The following ASIC2 variants were observed in gnomAD, a reference collection of about 807,000 sequenced individuals.
ASIC2 encodes the protein acid sensing ion channel subunit 2, also known as acid-sensing ion channel 2.
ASIC2 carries 25 observed loss-of-function variants against 57.3 expected under a neutral mutation model. The observed-to-expected ratio is 0.44, with a 90% CI of 0.32 to 0.61. ASIC2 has a LOEUF of 0.61. Among genes scored for constraint, ASIC2 ranks in the 20% least tolerant of loss-of-function variants. The pLI is 0.06. For synonymous variants in ASIC2, 319 were observed against 307.5 expected, an observed-to-expected ratio of 1.04 and a Z score of -0.39; for missense variants, 641 against 738.1, an observed-to-expected ratio of 0.87 and a Z score of 1.52.
Position 33,884,493 on chromosome 17 carries a change from C to T in ASIC2, c.555+271485G>A, listed in dbSNP as rs190242255. 9.5e-4 allele frequency among the ~76,000 whole-genome samples: 145 copies of T among 152,276 alleles called. 1 individual carries two copies. In the South Asian group the frequency reaches 0.018, roughly 19 times the overall value. Reference sequence around the variant, plus strand: ...TGCTGGATCCTGATGGATTCAGACTCTGAACTTTAGTGGCAGCTAAGATGT... The same window carrying T: ...TGCTGGATCCTGATGGATTCAGACTTTGAACTTTAGTGGCAGCTAAGATGT... On this transcript the variant is annotated intron_variant, in intron 1 of 9. Coordinates refer to the ASIC2 transcript ENST00000359872.
chr17:33,746,535 T>A (rs1432575354), intron 1 of ASIC2, among the ~76,000 whole-genome samples: 1 of 151,540 alleles, frequency 6.6e-6, no homozygotes, highest in African/African-American at 2.4e-5. Context: ...TATATATAGT[T>A]TTTATACTCA....
At chr17:33,391,085 A>C (rs1418097249) in intron 1 of ASIC2, among the ~76,000 whole-genome samples, 1 of 152,196 alleles carries the variant, frequency 6.6e-6, no homozygotes, top group Non-Finnish European at 1.5e-5. Context: ...TTCTCCTAAC[A>C]ATGTCCCAGA....
chr17:33,071,178 A>C (rs781350000), intron 3 of ASIC2, among the ~76,000 whole-genome samples: 9 of 152,128 alleles, frequency 5.9e-5, no homozygotes, highest in Non-Finnish European at 1.0e-4. Flanking sequence ...CCATCATTTT[A>C]TAAAATTTTT....
rs558570689 is a variant in ASIC2, at chr17:33,899,787, G to A, written c.555+256191C>T. Among the ~76,000 whole-genome samples, 3 of 152,238 alleles carry A rather than the reference G, an allele frequency of 2.0e-5. No individual in the cohort carries two copies. The East Asian group carries it at 5.8e-4, about 29-fold the overall frequency. ...GATGTCTTCATGTTTTGTAGATAAG[G>A]TTGTATCTTCCTTCTTCCTTACCAC... is the stretch of plus-strand genomic sequence containing the variant. On this transcript the variant is annotated intron_variant, in intron 1 of 9. Coordinates refer to the ASIC2 transcript ENST00000359872.
At chr17:33,952,106 G>T (rs1354719876) in intron 1 of ASIC2, among the ~76,000 whole-genome samples, 1 of 152,164 alleles carries the variant, frequency 6.6e-6, no homozygotes, top group African/African-American at 2.4e-5. Context: ...TCTTCAAATT[G>T]CTTTCAACTG....
At chr17:33,824,783 T>A (rs1275883018) in intron 1 of ASIC2, among the ~76,000 whole-genome samples, 6 of 151,982 alleles carry the variant, frequency 3.9e-5, no homozygotes, top group Non-Finnish European at 7.4e-5. Flanking sequence ...GCAAGCCCCA[T>A]GCAAGATGTC....
At chr17:33,579,303 A>AAAAT (rs386385945) in intron 1 of ASIC2, among the ~76,000 whole-genome samples, 2 of 148,704 alleles carry the variant, frequency 1.3e-5, no homozygotes, top group African/African-American at 4.9e-5. Context: ...AAAAAAAAAA[A>AAAAT]ATGCAGGTGG....
chr17:33,988,066 G>A (rs1405634904), intron 1 of ASIC2, among the ~76,000 whole-genome samples: 1 of 152,204 alleles, frequency 6.6e-6, no homozygotes, highest in Non-Finnish European at 1.5e-5. Context: ...AGGAGAGTAA[G>A]AGTGCATTAG....
chr17:33,184,385 G>A (rs183401359), intron 1 of ASIC2, among the ~76,000 whole-genome samples: 276 of 152,236 alleles, frequency 1.8e-3, no homozygotes, highest in Non-Finnish European at 2.2e-3. Flanking sequence ...TGAATGCCTG[G>A]AGTTCCCTGA....
chr17:34,097,264 T>C (rs1316717197), intron 1 of ASIC2, among the ~76,000 whole-genome samples: 1 of 152,186 alleles, frequency 6.6e-6, no homozygotes, highest in Non-Finnish European at 1.5e-5. Context: ...AGGGCATACG[T>C]TCTTAAAAAG....
chr17:33,633,194 A>G (rs1263753543), intron 1 of ASIC2, among the ~76,000 whole-genome samples: 3 of 152,104 alleles, frequency 2.0e-5, no homozygotes, highest in East Asian at 1.9e-4. Context: ...GAGTGCATCA[A>G]CCCAATGCCC....
chr17:33,095,255 G>GC (rs1004138138), intron 2 of ASIC2, among the ~76,000 whole-genome samples: 1 of 152,056 alleles, frequency 6.6e-6, no homozygotes, highest in African/African-American at 2.4e-5. Context: ...ATGTAGACTG[G>GC]CCCCTCCTCT....
intron 1 of ASIC2, among the ~76,000 whole-genome samples, chr17:34,110,867 C>T (rs1455450589): frequency 6.6e-6 from 1 of 152,154 alleles, no homozygotes; most frequent in Non-Finnish European, 1.5e-5. Flanking sequence ...ATCATATCGT[C>T]CAGCATCTTC....
chr17:33,860,287 G>A (rs920224143), intron 1 of ASIC2, among the ~76,000 whole-genome samples: 2 of 152,194 alleles, frequency 1.3e-5, no homozygotes, highest in Non-Finnish European at 2.9e-5. Context: ...AGGCTGCCTA[G>A]AATTCTTAAG....
At chr17:33,821,498 T>G (rs1567725149) in intron 1 of ASIC2, among the ~76,000 whole-genome samples, 1 of 152,120 alleles carries the variant, frequency 6.6e-6, no homozygotes. Flanking sequence ...CTGAAAGCCC[T>G]GTTGAGGCCC....
chr17:33,646,367 T>C (rs1865390), intron 1 of ASIC2, among the ~76,000 whole-genome samples: 7,090 of 152,250 alleles, frequency 0.047, 195 homozygotes, highest in South Asian at 0.12. Flanking sequence ...GGAAGAGATG[T>C]TCCACTGATT....
chr17:33,351,680 T>C (rs1241862648), intron 1 of ASIC2, among the ~76,000 whole-genome samples: 1 of 152,224 alleles, frequency 6.6e-6, no homozygotes, highest in Non-Finnish European at 1.5e-5. Flanking sequence ...CCTGTCGAAA[T>C]GCATTCATAA....
intron 1 of ASIC2, among the ~76,000 whole-genome samples, chr17:33,592,610 T>C (rs1904861290): frequency 6.6e-6 from 1 of 152,256 alleles, no homozygotes; most frequent in Non-Finnish European, 1.5e-5. Context: ...AAGGTAGACT[T>C]AATTAGCTCT....
At chr17:33,981,365 T>C (rs1282493600) in intron 1 of ASIC2, among the ~76,000 whole-genome samples, 1 of 152,186 alleles carries the variant, frequency 6.6e-6, no homozygotes, top group Non-Finnish European at 1.5e-5. Context: ...GAGCAGGAAG[T>C]TTTCATTTTG....
Sources: allele counts gnomAD v4.1 joint callset (sites outside exome capture counted in the v4.1 genomes callset), GRCh38; gene constraint gnomAD v4.1.1; transcripts MANE v1.5; gene names NCBI Gene and HGNC (gene_info 2026-07-23, HGNC 2026-07-21).